The following SBSPON variants were observed in gnomAD, a reference collection of about 807,000 sequenced individuals.
The protein encoded by SBSPON is somatomedin-B and thrombospondin type-1 domain-containing protein.
SBSPON carries 30 observed loss-of-function variants against 35.8 expected under a neutral mutation model. The observed-to-expected ratio is 0.84, with a 90% CI of 0.63 to 1.14. The LOEUF is 1.14. Among genes scored for constraint, SBSPON ranks in the 50% most tolerant of loss-of-function variants. SBSPON has a pLI of 0.00. For synonymous variants in SBSPON, 136 were observed against 135.9 expected (o/e 1.00, Z 0.00); for missense variants, 364 against 357.7 (o/e 1.02, Z -0.14).
chr8:73,079,715 C>T (rs1384807705), intron 2 of SBSPON, among the ~76,000 whole-genome samples: 1 of 152,102 alleles, frequency 6.6e-6, no homozygotes, highest in Non-Finnish European at 1.5e-5. Flanking sequence ...ACCTCTCACT[C>T]GTTTGCTACC....
rs1810385399 is a variant in SBSPON, at chr8:73,066,222, CT to C, written c.*1118del. ...TACTTCACAAATGAAAGGGGCTTAG[CT>C]TTTCCAGCACAGTGTTTGGCAAAGT... is the stretch of plus-strand genomic sequence containing the variant. On this transcript the variant is annotated 3_prime_UTR_variant, in exon 5 of 5. Coordinates refer to ENST00000297354, the MANE Select transcript of SBSPON (RefSeq NM_153225.4). 2 of 152,136 alleles carry C rather than the reference CT, an allele frequency of 1.3e-5. No individual in the cohort carries two copies. The highest frequency in any genetic ancestry group is 4.8e-5 in the African/African-American group (2 of 41,430). The allele number at this position is 152,136 out of a possible 1,614,324, so 9.4% of individuals were successfully genotyped here.
At chr8:73,071,232 TTTTTTAGGAAGAAAAA>T (rs1810487669) in intron 3 of SBSPON, among the ~76,000 whole-genome samples, 2 of 152,198 alleles carry the variant, frequency 1.3e-5, no homozygotes, top group Non-Finnish European at 2.9e-5. Context: ...AACAGTCTCA[TTTTTTAGGAAGAAAAA>T]ACTGAGGTGG....
intron 1 of SBSPON, among the ~76,000 whole-genome samples, chr8:73,090,469 G>C (rs988207578): frequency 6.6e-6 from 1 of 152,258 alleles, no homozygotes; most frequent in Admixed American, 6.5e-5. Context: ...CCCTGCCCAG[G>C]AGCCACAGTC....
rs568587648 is a variant in SBSPON at position 73,093,069 on chromosome 8, G to T, written c.-2C>A. 21 of 1,335,688 alleles carry T rather than the reference G, an allele frequency of 1.6e-5. No individual in the cohort carries two copies. In the African/African-American group the frequency reaches 3.3e-4, roughly 21 times the overall value. 82.7% of individuals were successfully genotyped at this position (1,335,688 alleles called of 1,614,324 possible). A position where few individuals can be genotyped will look rare whatever the true frequency, so the allele number is the denominator to read the frequency against. ...CAGCGCCATCCACAGGGTCCTCATG[G>T]CCAGGGCTCCGGCGGCGCCTGCGAC... On this transcript the variant is annotated 5_prime_UTR_variant, in exon 1 of 5. Transcript: ENST00000297354.
intron 1 of SBSPON, 93 bp from the exon 2 acceptor site, chr8:73,081,306 T>G: frequency 8.8e-7 from 1 of 1,136,162 alleles, no homozygotes; most frequent in Non-Finnish European, 1.2e-6. Context: ...TTTAGCTCCA[T>G]GTAAACTTTG....
intron 3 of SBSPON, among the ~76,000 whole-genome samples, chr8:73,070,290 C>T (rs1039052497): frequency 4.6e-5 from 7 of 152,128 alleles, no homozygotes; most frequent in African/African-American, 1.7e-4. Context: ...AAATTGTGCA[C>T]AGAAGTCCAG....
intron 1 of SBSPON, among the ~76,000 whole-genome samples, chr8:73,084,912 C>T (rs7006404): frequency 0.4 from 60,510 of 151,908 alleles, 13,513 homozygotes; most frequent in African/African-American, 0.6. Flanking sequence ...TGATAGTTTT[C>T]TATTTCATTC....
rs1810354159 is a variant in SBSPON at position 73,064,600 on chromosome 8, G to A, written c.*2741C>T. ...ATTTTGTGCACATCTAGAAAAGATA[G>A]CTAACTGAAATTTTTATGCCAGATG... On this transcript the variant is annotated 3_prime_UTR_variant, in exon 5 of 5. Transcript: ENST00000297354. The A allele has an allele frequency of 6.6e-6, 1 of 152,190 alleles. No homozygotes were observed. Among genetic ancestry groups the A allele is most frequent in the African/African-American group, 2.4e-5 (1 of 41,444 alleles). 9.4% of individuals were successfully genotyped at this position (152,190 alleles called of 1,614,324 possible). A position where few individuals can be genotyped will look rare whatever the true frequency, so the allele number is the denominator to read the frequency against.
At position 73,071,772 on chromosome 8, in the gene SBSPON, G is replaced by T. The variant is rs780565890; in HGVS notation, c.500+8C>A. 1.8e-5 allele frequency: 26 copies of T among 1,477,326 alleles called. No homozygotes were observed. The highest frequency in any genetic ancestry group is 2.9e-5 in the African/African-American group (2 of 68,904). 91.5% of individuals were successfully genotyped at this position (1,477,326 alleles called of 1,614,324 possible). ...CATGATTAAAAAAAAAAAAAAACAC[G>T]AAATTACCCAGCATCCTCTGTGTGT... On this transcript the variant is annotated splice_region_variant and intron_variant, in intron 3 of 4. Transcript: ENST00000297354.
intron 1 of SBSPON, chr8:73,083,659 A>G (rs939048807): frequency 1.3e-5 from 2 of 152,238 alleles, no homozygotes; most frequent in African/African-American, 4.8e-5. Flanking sequence ...ACTCACATCT[A>G]TTCACAGCAT....
rs766498906 is a variant in SBSPON at position 73,092,949 on chromosome 8, C to G, written c.119G>C (p.Gly40Ala). 3.1e-6 allele frequency: 5 copies of G among 1,604,780 alleles called. No homozygotes were observed. In the Admixed American group the frequency reaches 5.1e-5, roughly 16 times the overall value. Reference protein sequence around the residue: ...PGRDPACFARGWRLDRVYGTC... With the variant: ...PGRDPACFARAWRLDRVYGTC... Reference sequence around the variant, plus strand: ...CCCGTAGACCCTGTCCAGCCTCCAGCCGCGGGCGAAGCAGGCGGGGTCCCG... The same window carrying G: ...CCCGTAGACCCTGTCCAGCCTCCAGGCGCGGGCGAAGCAGGCGGGGTCCCG... The change falls in exon 1 of 5, where the codon GGC (glycine) becomes GCC (alanine). Residue 40 changes from glycine (G) to alanine (A), a missense_variant. Gly to Ala is a moderately conservative substitution (Grantham distance 60). Coordinates refer to ENST00000297354, the MANE Select transcript of SBSPON (RefSeq NM_153225.4).
chr8:73,088,806 T>C (rs1300951660), intron 1 of SBSPON, among the ~76,000 whole-genome samples: 1 of 152,158 alleles, frequency 6.6e-6, no homozygotes, highest in African/African-American at 2.4e-5. Context: ...TAGCCATAAA[T>C]TGGCAAATAT....
chr8:73,067,498 A>T, intron 4 of SBSPON, 40 bp from the exon 5 acceptor site: 1 of 1,238,442 alleles, frequency 8.1e-7, no homozygotes, highest in South Asian at 1.2e-5. Flanking sequence ...CACTAAAAGC[A>T]TACCGAAGAA....
chr8:73,086,646 T>G (rs902344755), intron 1 of SBSPON, among the ~76,000 whole-genome samples: 1 of 111,910 alleles, frequency 8.9e-6, no homozygotes, highest in Non-Finnish European at 1.8e-5. Context: ...CCCAAAGGGG[T>G]TTTTTTTCCT....
At chr8:73,080,561 T>A (rs950042143) in intron 2 of SBSPON, among the ~76,000 whole-genome samples, 11 of 152,144 alleles carry the variant, frequency 7.2e-5, no homozygotes, top group Non-Finnish European at 1.3e-4. Context: ...TTGTTTAGAA[T>A]TCTGTGATTT....
intron 1 of SBSPON, among the ~76,000 whole-genome samples, chr8:73,081,641 CA>C (rs34175944): frequency 1.5e-4 from 22 of 144,700 alleles, no homozygotes; most frequent in East Asian, 5.2e-4. Context: ...ACATAAACAA[CA>C]AAAAAAAAAG....
intron 3 of SBSPON, among the ~76,000 whole-genome samples, chr8:73,071,392 T>C (rs1465291770): frequency 6.6e-6 from 1 of 152,198 alleles, no homozygotes; most frequent in Non-Finnish European, 1.5e-5. Flanking sequence ...CCTGTACCAA[T>C]AGGTTTCCAT....
At chr8:73,086,066 CA>C (rs1358837561) in intron 1 of SBSPON, among the ~76,000 whole-genome samples, 2 of 152,202 alleles carry the variant, frequency 1.3e-5, no homozygotes, top group Non-Finnish European at 2.9e-5. Context: ...TGTTTCTTCA[CA>C]TTCTGTGGAA....
rs535914805 is a variant in SBSPON at position 73,093,126 on chromosome 8, C to T, written c.-59G>A. The T allele has an allele frequency of 2.7e-5, 26 of 977,838 alleles. No individual in the cohort carries two copies. In the Admixed American group the frequency reaches 2.7e-4, roughly 10 times the overall value. The allele number at this position is 977,838 out of a possible 1,614,324, so 60.6% of individuals were successfully genotyped here. ...GACCCCCGGGGCAAGCGCTCTGATC[C>T]TCGGCTGGCCGCGGCCCGGGAGCTG... On this transcript the variant is annotated 5_prime_UTR_variant, in exon 1 of 5. Coordinates refer to ENST00000297354, the MANE Select transcript of SBSPON (RefSeq NM_153225.4).
Sources: allele counts gnomAD v4.1 joint callset (sites outside exome capture counted in the v4.1 genomes callset), GRCh38; gene constraint gnomAD v4.1.1; transcripts MANE v1.5; gene names NCBI Gene and HGNC (gene_info 2026-07-23, HGNC 2026-07-21).